Variants in SLC10A7 observed in about 807,000 individuals in gnomAD.
SLC10A7 encodes the protein sodium/bile acid cotransporter 7.
A neutral mutation model predicts 43.2 loss-of-function variants in SLC10A7; 29 were observed. The ratio of observed to expected loss-of-function variants is 0.67; its 90% CI spans 0.50 to 0.92. The LOEUF is 0.92. Among genes scored for constraint, SLC10A7 ranks in the 40% least tolerant of loss-of-function variants. The probability of loss-of-function intolerance (pLI) is 0.00; values close to 1 mark genes in which losing one functional copy is unlikely to be tolerated. For synonymous variants in SLC10A7, 152 were observed against 144.8 expected (o/e 1.05, Z -0.35); for missense variants, 295 against 403.2 (o/e 0.73, Z 2.30).
chr4:146,319,996 T>G (rs1433128119), intron 6 of SLC10A7, among the ~76,000 whole-genome samples: 3 of 152,078 alleles, frequency 2.0e-5, no homozygotes, highest in African/African-American at 7.2e-5. Flanking sequence ...AAAATTTCTC[T>G]GATTGCTTAT....
chr4:146,424,173 T>C (rs1461951592), intron 5 of SLC10A7, among the ~76,000 whole-genome samples: 1 of 152,148 alleles, frequency 6.6e-6, no homozygotes, highest in Non-Finnish European at 1.5e-5. Context: ...CACCTCAGCC[T>C]CCAGAGTAGT....
At chr4:146,494,885 C>T (rs1735752133) in intron 4 of SLC10A7, among the ~76,000 whole-genome samples, 1 of 152,130 alleles carries the variant, frequency 6.6e-6, no homozygotes, top group Non-Finnish European at 1.5e-5. Flanking sequence ...TGAGAAAATT[C>T]TAAGTTACAC....
chr4:146,510,165 A>G, intron 2 of SLC10A7, 116 bp from the exon 3 acceptor site: 1 of 911,188 alleles, frequency 1.1e-6, no homozygotes, highest in Non-Finnish European at 1.6e-6. Context: ...TTTCATAGCT[A>G]AAATTTTTAT....
At chr4:146,373,473 C>CAAAAA (rs3054691) in intron 5 of SLC10A7, among the ~76,000 whole-genome samples, 13 of 128,406 alleles carry the variant, frequency 1.0e-4, no homozygotes, top group South Asian at 5.1e-4. Flanking sequence ...GACCCTGTCT[C>CAAAAA]AAAAAAAAAA....
intron 5 of SLC10A7, among the ~76,000 whole-genome samples, chr4:146,348,689 G>C (rs1403530450): frequency 6.6e-6 from 1 of 152,090 alleles, no homozygotes; most frequent in African/African-American, 2.4e-5. Flanking sequence ...AAATTTTCCT[G>C]AACCACACAT....
chr4:146,391,823 C>T (rs973413999), intron 5 of SLC10A7, among the ~76,000 whole-genome samples: 1 of 152,330 alleles, frequency 6.6e-6, no homozygotes, highest in South Asian at 2.1e-4. Flanking sequence ...ATCTTCCATA[C>T]ATTCTGCTGT....
At chr4:146,395,317 A>C (rs1366437207) in intron 5 of SLC10A7, among the ~76,000 whole-genome samples, 1 of 152,156 alleles carries the variant, frequency 6.6e-6, no homozygotes. Context: ...TTGGGCCCAG[A>C]AGTTCGAGGC....
At chr4:146,375,155 G>A (rs373342254) in intron 5 of SLC10A7, among the ~76,000 whole-genome samples, 1 of 152,130 alleles carries the variant, frequency 6.6e-6, no homozygotes, top group Non-Finnish European at 1.5e-5. Flanking sequence ...GCAGTGAGCC[G>A]AGATTGCACC....
chr4:146,519,094 TA>T (rs1312403607), intron 1 of SLC10A7, among the ~76,000 whole-genome samples: 1 of 76,842 alleles, frequency 1.3e-5, no homozygotes, highest in African/African-American at 5.3e-5. Context: ...TATATATATA[TA>T]TATATATATA....
intron 5 of SLC10A7, among the ~76,000 whole-genome samples, chr4:146,370,274 C>T (rs1371534373): frequency 6.6e-6 from 1 of 152,054 alleles, no homozygotes; most frequent in Non-Finnish European, 1.5e-5. Flanking sequence ...CTCTTCGGAA[C>T]ACAAGTAATA....
At chr4:146,519,983 A>T (rs1685832072) in intron 1 of SLC10A7, among the ~76,000 whole-genome samples, 1 of 152,224 alleles carries the variant, frequency 6.6e-6, no homozygotes, top group Admixed American at 6.5e-5. Context: ...TATGGAACAC[A>T]TAAGTTTGCA....
intron 6 of SLC10A7, among the ~76,000 whole-genome samples, chr4:146,317,267 T>A (rs1382724961): frequency 1.3e-5 from 2 of 152,076 alleles, no homozygotes; most frequent in African/African-American, 4.8e-5. Context: ...ATGCATTCAC[T>A]TTCATTCAAA....
intron 7 of SLC10A7, among the ~76,000 whole-genome samples, chr4:146,298,492 T>C (rs1730932824): frequency 2.0e-5 from 3 of 152,348 alleles, no homozygotes; most frequent in South Asian, 4.1e-4. Context: ...GACCAGAGAA[T>C]GCATGAATGA....
intron 5 of SLC10A7, among the ~76,000 whole-genome samples, chr4:146,379,067 A>G (rs1241293169): frequency 6.6e-6 from 1 of 152,218 alleles, no homozygotes; most frequent in Non-Finnish European, 1.5e-5. Context: ...CCAACTTCTG[A>G]CCTCAATGTC....
At chr4:146,489,304 G>C (rs1373490279) in intron 4 of SLC10A7, among the ~76,000 whole-genome samples, 1 of 152,200 alleles carries the variant, frequency 6.6e-6, no homozygotes, top group East Asian at 1.9e-4. Context: ...GCAGAGAAGG[G>C]AGGGTGAGGA....
chr4:146,330,887 T>C (rs1187492261), intron 5 of SLC10A7, among the ~76,000 whole-genome samples: 1 of 151,998 alleles, frequency 6.6e-6, no homozygotes, highest in African/African-American at 2.4e-5. Context: ...CTTTCTTATA[T>C]TGCTTCCAAA....
intron 9 of SLC10A7, among the ~76,000 whole-genome samples, chr4:146,292,513 T>C (rs1192980853): frequency 1.3e-5 from 2 of 152,186 alleles, no homozygotes; most frequent in Non-Finnish European, 2.9e-5. Flanking sequence ...AAAGAGGCAG[T>C]TTTTGGGAAA....
intron 5 of SLC10A7, among the ~76,000 whole-genome samples, chr4:146,354,139 C>A (rs1366497668): frequency 1.2e-4 from 17 of 146,258 alleles, no homozygotes; most frequent in Non-Finnish European, 2.1e-4. Context: ...TTAGAAAACC[C>A]CATCATCTCC....
At chr4:146,296,955 C>A (rs1238087334) in intron 7 of SLC10A7, among the ~76,000 whole-genome samples, 1 of 152,134 alleles carries the variant, frequency 6.6e-6, no homozygotes, top group East Asian at 1.9e-4. Flanking sequence ...CTCCAAACTT[C>A]TTTGCCTTAT....
Sources: gnomAD v4.1 joint callset for allele counts (sites outside exome capture counted in the v4.1 genomes callset) on GRCh38, gnomAD v4.1.1 for gene constraint, MANE v1.5 for transcripts, NCBI Gene and HGNC (gene_info 2026-07-23, HGNC 2026-07-21) for gene names.